The following TRMT1L variants were observed in gnomAD, a reference collection of about 807,000 sequenced individuals.
The protein encoded by TRMT1L is tRNA methyltransferase 1L.
TRMT1L carries 28 observed loss-of-function variants against 81.6 expected under a neutral mutation model. The observed-to-expected ratio is 0.34, with a 90% CI of 0.25 to 0.47. The LOEUF (loss-of-function observed/expected upper bound fraction) is 0.47. TRMT1L is among the 20% of genes least tolerant of loss of function. The pLI is 1.00. For missense variants in TRMT1L, 739 were observed against 877.1 expected (o/e 0.84, Z 1.99); for synonymous variants, 301 against 303.2 (o/e 0.99, Z 0.07).
At chr1:185,156,370 A>G in intron 1 of TRMT1L, 108 bp downstream of exon 1, 1 of 1,610,554 alleles carries the variant, frequency 6.2e-7, no homozygotes, top group Non-Finnish European at 8.5e-7. Flanking sequence ...ATTTTCCTAA[A>G]CCTGCCTTGC....
intron 10 of TRMT1L, among the ~76,000 whole-genome samples, chr1:185,134,990 G>C (rs144780517): frequency 8.5e-5 from 13 of 152,270 alleles, no homozygotes; most frequent in Admixed American, 7.2e-4. Flanking sequence ...ACAAAAATTA[G>C]GAAGGGAAAA....
At position 185,118,558 on chromosome 1, in the gene TRMT1L, T is replaced by C. The variant is rs1557982216; in HGVS notation, c.*1461A>G. The C allele has an allele frequency of 6.6e-6, 1 of 152,188 alleles. No homozygotes were observed. The highest frequency in any genetic ancestry group is 1.5e-5 in the Non-Finnish European group (1 of 68,010). The allele number at this position is 152,188 out of a possible 1,614,324, so 9.4% of individuals were successfully genotyped here. On this transcript the variant is annotated 3_prime_UTR_variant, in exon 15 of 15. Coordinates refer to ENST00000367506, the MANE Select transcript of TRMT1L (RefSeq NM_030934.5). ...TTTAATTGAAAAAAACCTCATTTATTCTGCTCATTTGCAAGTTATAATTTT... is the reference window on the plus strand; with the variant it reads ...TTTAATTGAAAAAAACCTCATTTATCCTGCTCATTTGCAAGTTATAATTTT...
chr1:185,156,417 T>A lies in TRMT1L; in HGVS notation c.235+61A>T, dbSNP rs1653567960. ...CATCCCGGTGAAGGGCCTCCCCTAC[T>A]TCCCAGCAAGGCGCACTTTCTCTCT... On this transcript the variant is annotated intron_variant, in intron 1 of 14. Transcript: ENST00000367506. 2.5e-6 allele frequency: 4 copies of A among 1,612,892 alleles called. No individual in the cohort carries two copies. The South Asian group carries it at 4.4e-5, about 18-fold the overall frequency.
At chr1:185,131,252 G>A (rs1652763596) in intron 10 of TRMT1L, among the ~76,000 whole-genome samples, 1 of 152,094 alleles carries the variant, frequency 6.6e-6, no homozygotes, top group Non-Finnish European at 1.5e-5. Flanking sequence ...GCCCGCCTCA[G>A]CCTCCCAAAG....
At position 185,120,106 on chromosome 1, in the gene TRMT1L, G is replaced by T. The variant is rs1290595453; in HGVS notation, c.2115C>A (p.Val705=). ...TTACTGTATCTTCAGATGCTGACTG[G>T]ACATGGCTTTCTGACTGTCCTCCAG... ...TYTGGQSESH[V]QSASEDTVTE... Residue 705 remains valine, a synonymous_variant, in exon 15 of 15, where the codon GTC becomes GTA. Transcript: ENST00000367506. The T allele has an allele frequency of 6.2e-7, 1 of 1,613,840 alleles. No homozygotes were observed. The highest frequency in any genetic ancestry group is 8.5e-7 in the Non-Finnish European group (1 of 1,179,930).
intron 3 of TRMT1L, among the ~76,000 whole-genome samples, chr1:185,147,977 G>A (rs913741644): frequency 2.6e-5 from 4 of 151,794 alleles, no homozygotes; most frequent in African/African-American, 9.7e-5. Flanking sequence ...TACTTTTTTT[G>A]AATGATAATG....
At chr1:185,122,426 C>T (rs182411729) in intron 13 of TRMT1L, among the ~76,000 whole-genome samples, 48 of 152,074 alleles carry the variant, frequency 3.2e-4, no homozygotes, top group Non-Finnish European at 5.9e-4. Context: ...AGATTAAAAA[C>T]AAATTTTTTT....
intron 1 of TRMT1L, 53 bp from the exon 2 acceptor site, chr1:185,151,988 A>G (rs1653363724): frequency 9.0e-7 from 1 of 1,112,496 alleles, no homozygotes; most frequent in African/African-American, 1.6e-5. Flanking sequence ...TTCTAGTTCC[A>G]TTTTTATTGA....
rs1441031768 is a variant in TRMT1L, at chr1:185,119,813, T to TTTAAG, written c.*201_*205dup. The TTTAAG allele has an allele frequency of 4.0e-6, 2 of 498,980 alleles. No homozygotes were observed. Among genetic ancestry groups the TTTAAG allele is most frequent in the Non-Finnish European group, 6.8e-6 (2 of 296,144 alleles). The allele number at this position is 498,980 out of a possible 1,614,324, so 30.9% of individuals were successfully genotyped here. Reference sequence around the variant, plus strand: ...TCATATGAAATGTTTCCATTAAAATTTTAAGTTTGCCTTAAAACAAAAAAA... The same window carrying TTTAAG: ...TCATATGAAATGTTTCCATTAAAATTTTAAGTTAAGTTTGCCTTAAAACAAAAAAA... On this transcript the variant is annotated 3_prime_UTR_variant, in exon 15 of 15. Coordinates refer to ENST00000367506, the MANE Select transcript of TRMT1L (RefSeq NM_030934.5).
At chr1:185,125,467 C>T (rs1652601307) in intron 11 of TRMT1L, among the ~76,000 whole-genome samples, 1 of 151,912 alleles carries the variant, frequency 6.6e-6, no homozygotes, top group South Asian at 2.1e-4. Flanking sequence ...ACACTTCTGG[C>T]CTAAAACTTT....
At chr1:185,153,014 T>G (rs896415909) in intron 1 of TRMT1L, among the ~76,000 whole-genome samples, 4 of 151,908 alleles carry the variant, frequency 2.6e-5, no homozygotes, top group African/African-American at 9.7e-5. Flanking sequence ...GTGTGAAAAA[T>G]AAGAGAAAAA....
At chr1:185,125,280 T>G (rs770418148) in intron 11 of TRMT1L, among the ~76,000 whole-genome samples, 170 bp from the exon 12 acceptor site, 10 of 152,108 alleles carry the variant, frequency 6.6e-5, no homozygotes, top group Non-Finnish European at 1.0e-4. Context: ...TTTTCTTTAT[T>G]ATTATTATTC....
At chr1:185,123,510 T>C (rs1019167288) in intron 13 of TRMT1L, among the ~76,000 whole-genome samples, 5 of 152,116 alleles carry the variant, frequency 3.3e-5, no homozygotes, top group African/African-American at 7.2e-5. Context: ...ATAAATCATA[T>C]ATTAATGAGC....
intron 3 of TRMT1L, among the ~76,000 whole-genome samples, chr1:185,150,135 G>A (rs1473493167): frequency 6.6e-6 from 1 of 151,992 alleles, no homozygotes; most frequent in African/African-American, 2.4e-5. Flanking sequence ...GGACTCCCAG[G>A]GTCAGAGTAC....
chr1:185,150,306 T>C (rs1442995773), intron 3 of TRMT1L, 73 bp downstream of exon 3: 3 of 1,081,664 alleles, frequency 2.8e-6, no homozygotes, highest in South Asian at 2.8e-5. Context: ...ATACTCATGA[T>C]AAAAATGCCA....
intron 1 of TRMT1L, among the ~76,000 whole-genome samples, chr1:185,155,925 A>T (rs946864849): frequency 6.6e-6 from 1 of 152,138 alleles, no homozygotes; most frequent in African/African-American, 2.4e-5. Flanking sequence ...TTCCTAAACT[A>T]CTACTCAGCC....
chr1:185,127,966 C>T (rs982492045), intron 11 of TRMT1L, among the ~76,000 whole-genome samples: 8 of 151,538 alleles, frequency 5.3e-5, no homozygotes, highest in Admixed American at 3.9e-4. Context: ...GTACAAAAAT[C>T]AGCCAGGTGT....
rs184488823 is a variant in TRMT1L at position 185,136,489 on chromosome 1, C to T, written c.1513+1117G>A. Among the ~76,000 whole-genome samples, 215 of 152,226 alleles carry T rather than the reference C, an allele frequency of 1.4e-3. 1 individual carries two copies. The highest frequency in any genetic ancestry group is 5.0e-3 in the African/African-American group (206 of 41,528). The stretch of plus-strand genomic sequence containing the variant: ...GACAGAATTTCCTCCATTACCACCA[C>T]CAGTTAACATTATACTAAAGTACTT... On this transcript the variant is annotated intron_variant, in intron 10 of 14. Transcript: ENST00000367506.
intron 1 of TRMT1L, among the ~76,000 whole-genome samples, chr1:185,154,864 A>G (rs948555865): frequency 6.6e-6 from 1 of 152,250 alleles, no homozygotes; most frequent in African/African-American, 2.4e-5. Flanking sequence ...CCAGAAGTCA[A>G]CAGGCAAACT....
Sources: allele counts gnomAD v4.1 joint callset (sites outside exome capture counted in the v4.1 genomes callset), GRCh38; gene constraint gnomAD v4.1.1; transcripts MANE v1.5; gene names NCBI Gene and HGNC (gene_info 2026-07-23, HGNC 2026-07-21).